MYH1: variants seen among roughly 807,000 people sequenced by gnomAD.
The protein encoded by MYH1 is myosin heavy chain 1.
Under a neutral mutation model 225.6 loss-of-function variants are expected in MYH1, and 214 were observed. That is an observed-to-expected ratio of 0.95 (90% CI 0.85 to 1.06). The LOEUF (loss-of-function observed/expected upper bound fraction) is 1.06. MYH1 is among the 50% of genes least tolerant of loss of function. The probability of loss-of-function intolerance (pLI) is 0.00; values close to 1 mark genes in which losing one functional copy is unlikely to be tolerated. For missense variants in MYH1, 2,098 were observed against 2,344.2 expected (o/e 0.89, Z 2.17); for synonymous variants, 774 against 842.3 (o/e 0.92, Z 1.40).
At chr17:10,505,750 T>C (rs567856656) in intron 19 of MYH1, 62 bp downstream of exon 19, 21 of 1,598,098 alleles carry the variant, frequency 1.3e-5, no homozygotes, top group Non-Finnish European at 1.7e-5. Flanking sequence ...GATTCTTTCA[T>C]TGAAAAATGT....
In MYH1 at chr17:10,498,025, C is replaced by T. The variant is rs571559365; in HGVS notation, c.4182-108G>A. ...ATCAGACTTCTTTAATACTTTGCTT[C>T]TCAAGCTTGTTTTGTAGGTCCAGTT... On this transcript the variant is annotated intron_variant, in intron 30 of 39. Transcript: ENST00000226207. 8.0e-6 allele frequency: 9 copies of T among 1,124,104 alleles called. No homozygotes were observed. The African/African-American group carries it at 1.4e-4, about 18-fold the overall frequency. 69.6% of individuals were successfully genotyped at this position (1,124,104 alleles called of 1,614,324 possible).
chr17:10,516,776 G>C (rs1380526069), intron 2 of MYH1, 94 bp from the exon 3 acceptor site: 3 of 1,090,846 alleles, frequency 2.8e-6, no homozygotes, highest in Non-Finnish European at 3.9e-6. Context: ...GACCAATTGA[G>C]TGCTTAGCAT....
chr17:10,504,456 G>C (rs555616978), intron 22 of MYH1, among the ~76,000 whole-genome samples: 2 of 152,160 alleles, frequency 1.3e-5, no homozygotes, highest in African/African-American at 4.8e-5. Flanking sequence ...TTTCATCAAA[G>C]TCTCCTTCCT....
chr17:10,496,913 T>C (rs909063504), intron 33 of MYH1, among the ~76,000 whole-genome samples, 156 bp downstream of exon 33: 4 of 152,226 alleles, frequency 2.6e-5, no homozygotes, highest in African/African-American at 9.7e-5. Flanking sequence ...TCCTGACATA[T>C]GGTTATGTTG....
Position 10,502,828 on chromosome 17 carries a change from G to T in MYH1, c.3021C>A (p.His1007Gln), listed in dbSNP as rs1166791650. Residue 1007 changes from histidine (H) to glutamine (Q), a missense_variant, in exon 24 of 40, where the codon CAC (histidine) becomes CAA (glutamine). Coordinates refer to ENST00000226207, the MANE Select transcript of MYH1 (RefSeq NM_005963.4). ...CCTGCAGGTCATCCAGGGTCTGCTG[G>T]TGGGCCTCCTGGAGAGCCTTCTTCT... is the stretch of plus-strand genomic sequence containing the variant. ...TKEKKALQEA[H>Q]QQTLDDLQAE... The T allele has an allele frequency of 6.2e-7, 1 of 1,614,022 alleles. No individual in the cohort carries two copies. The highest frequency in any genetic ancestry group is 1.1e-5 in the South Asian group (1 of 91,078).
At chr17:10,505,649 T>A in intron 19 of MYH1, 138 bp from the exon 20 acceptor site, 1 of 1,360,706 alleles carries the variant, frequency 7.3e-7, no homozygotes, top group Non-Finnish European at 1.0e-6. Flanking sequence ...CTATCCTCTG[T>A]TTATTCAAAG....
At chr17:10,495,164 G>A in intron 36 of MYH1, 28 bp downstream of exon 36, 2 of 1,614,168 alleles carry the variant, frequency 1.2e-6, no homozygotes, top group Non-Finnish European at 1.7e-6. Context: ...ATTTAAGTTT[G>A]ACCACCACTG....
rs750409153 is a variant in MYH1, at chr17:10,495,955, T to G, written c.5164A>C (p.Thr1722Pro). The G allele has an allele frequency of 6.2e-7, 1 of 1,614,092 alleles. No homozygotes were observed. Among genetic ancestry groups the G allele is most frequent in the Admixed American group, 1.7e-5 (1 of 60,008 alleles). ...TATTCTATTATTACATGCACCTGGG[T>G]GTGCAGGAGCTGAACACGCTCACTG... ...DASERVQLLH[T>P]QNTSLINTKK... The change falls in exon 35 of 40, where the codon ACC becomes CCC. Residue 1722 changes from threonine (T) to proline (P), a missense_variant. By Grantham distance (38) the Thr-to-Pro change is conservative (BLOSUM62 -1). Transcript: ENST00000226207.
At position 10,505,360 on chromosome 17, in the gene MYH1, G is replaced by A. The variant is rs778771139; in HGVS notation, c.2298+28C>T. On this transcript the variant is annotated intron_variant, in intron 20 of 39. Coordinates refer to ENST00000226207, the MANE Select transcript of MYH1 (RefSeq NM_005963.4). ...CATAAAGTTCAAAGGGACAGGAATA[G>A]CATCAGGTAGGATTTACAGAATATT... The A allele has an allele frequency of 5.6e-6, 9 of 1,614,072 alleles. No homozygotes were observed. The Admixed American group carries it at 1.5e-4, about 27-fold the overall frequency.
intron 14 of MYH1, among the ~76,000 whole-genome samples, chr17:10,511,508 G>A (rs915105180): frequency 6.6e-6 from 1 of 152,136 alleles, no homozygotes; most frequent in Admixed American, 6.5e-5. Context: ...CTTGAAACTA[G>A]CAGACAGATC....
At chr17:10,506,756 G>A (rs919814498) in intron 17 of MYH1, among the ~76,000 whole-genome samples, 3 of 152,122 alleles carry the variant, frequency 2.0e-5, no homozygotes, top group African/African-American at 7.2e-5. Context: ...GCCTCCCAAA[G>A]TGCTGGGATT....
chr17:10,505,379 G>A lies in MYH1; in HGVS notation c.2298+9C>T. ...GGAATAGCATCAGGTAGGATTTACA[G>A]AATATTACCTTGGTGTGACCAAATT... On this transcript the variant is annotated intron_variant, in intron 20 of 39. Coordinates refer to ENST00000226207, the MANE Select transcript of MYH1 (RefSeq NM_005963.4). The A allele has an allele frequency of 6.2e-7, 1 of 1,614,222 alleles. No homozygotes were observed. Among genetic ancestry groups the A allele is most frequent in the Non-Finnish European group, 8.5e-7 (1 of 1,180,038 alleles).
At chr17:10,493,607 G>A (rs2072957433) in intron 39 of MYH1, among the ~76,000 whole-genome samples, 1 of 152,106 alleles carries the variant, frequency 6.6e-6, no homozygotes, top group Admixed American at 6.5e-5. Context: ...TACTTGACAT[G>A]TTCACTTGTG....
At chr17:10,516,169 A>G (rs183146939) in intron 4 of MYH1, 30 bp downstream of exon 4, 2 of 1,613,108 alleles carry the variant, frequency 1.2e-6, no homozygotes, top group African/African-American at 1.3e-5. Context: ...AACTACTCTC[A>G]TGAGTAGAAG....
Position 10,513,929 on chromosome 17 carries a change from C to A in MYH1, c.649-16G>T, listed in dbSNP as rs1302922681. The A allele has an allele frequency of 6.2e-7, 1 of 1,613,814 alleles. No homozygotes were observed. The highest frequency in any genetic ancestry group is 1.1e-5 in the South Asian group (1 of 91,084). Reference sequence around the variant, plus strand: ...CCAGAGTCCCCTGCAAAGGCAAGAGCAGTCCTTGCATCTGGGGCTTGGGAA... The same window carrying A: ...CCAGAGTCCCCTGCAAAGGCAAGAGAAGTCCTTGCATCTGGGGCTTGGGAA... On this transcript the variant is annotated splice_polypyrimidine_tract_variant and intron_variant, in intron 7 of 39. Coordinates refer to ENST00000226207, the MANE Select transcript of MYH1 (RefSeq NM_005963.4).
Position 10,504,793 on chromosome 17 carries a change from G to T in MYH1, c.2691+17C>A, listed in dbSNP as rs774343062. On this transcript the variant is annotated intron_variant, in intron 22 of 39. Transcript: ENST00000226207. Reference sequence around the variant, plus strand: ...GTTTTAGCATCAGATTGCAGGAAATGACTTCGGGATACTCACAGCTTGAAC... The same window carrying T: ...GTTTTAGCATCAGATTGCAGGAAATTACTTCGGGATACTCACAGCTTGAAC... The T allele has an allele frequency of 6.2e-7, 1 of 1,612,770 alleles. No homozygotes were observed. The highest frequency in any genetic ancestry group is 8.5e-7 in the Non-Finnish European group (1 of 1,179,486).
In MYH1 at chr17:10,506,108, C is replaced by A. The variant is rs756722508; in HGVS notation, c.1969-9G>T. 1.9e-6 allele frequency: 3 copies of A among 1,614,132 alleles called. No homozygotes were observed. Among genetic ancestry groups the A allele is most frequent in the South Asian group, 1.1e-5 (1 of 91,070 alleles). On this transcript the variant is annotated splice_polypyrimidine_tract_variant and intron_variant, in intron 17 of 39. Transcript: ENST00000226207. Reference sequence around the variant, plus strand: ...AGCTTATTCAAATTCTCCTGTGGAACCATGCGAGTTTATACTTTAAAAAAT... The same window carrying A: ...AGCTTATTCAAATTCTCCTGTGGAAACATGCGAGTTTATACTTTAAAAAAT...
In MYH1 at chr17:10,501,836, G is replaced by A. The variant is rs1276320644; in HGVS notation, c.3187C>T (p.Leu1063=). ...ATTGTGGATTCTTGAGCCAATTTTA[G>A]GTCTCCCTCTAGTTTTCTCTTTGCT... The part of the protein sequence containing the change: ...ERAKRKLEGD[L]KLAQESTMDI... The change falls in exon 25 of 40, where the codon CTA becomes TTA. Residue 1063 remains leucine, a synonymous_variant. Transcript: ENST00000226207. 10 of 1,613,292 alleles carry A rather than the reference G, an allele frequency of 6.2e-6. No homozygotes were observed. The highest frequency in any genetic ancestry group is 8.5e-6 in the Non-Finnish European group (10 of 1,179,582).
At chr17:10,497,533 G>T in intron 31 of MYH1, 81 bp from the exon 32 acceptor site, 1 of 1,527,482 alleles carries the variant, frequency 6.5e-7, no homozygotes, top group Non-Finnish European at 8.7e-7. Flanking sequence ...ACCTCTCAGA[G>T]TTGAGGTGTT....
Sources: gnomAD v4.1 joint callset for allele counts (sites outside exome capture counted in the v4.1 genomes callset) on GRCh38, gnomAD v4.1.1 for gene constraint, MANE v1.5 for transcripts, NCBI Gene and HGNC (gene_info 2026-07-23, HGNC 2026-07-21) for gene names.